FAM171A2: variants seen among roughly 807,000 people sequenced by gnomAD.
FAM171A2 encodes the protein family with sequence similarity 171 member A2.
FAM171A2 carries 13 observed loss-of-function variants against 34.2 expected under a neutral mutation model. The observed-to-expected ratio is 0.38, with a 90% CI of 0.25 to 0.60. The LOEUF is 0.60. Among genes scored for constraint, FAM171A2 ranks in the 20% least tolerant of loss-of-function variants. The pLI is 0.62. For synonymous variants in FAM171A2, 475 were observed against 561.2 expected (o/e 0.85, Z 2.17); for missense variants, 950 against 1,180.7 (o/e 0.80, Z 2.86).
chr17:44,361,180 C>T (rs1186863371), intron 1 of FAM171A2, among the ~76,000 whole-genome samples: 6 of 152,362 alleles, frequency 3.9e-5, no homozygotes, highest in African/African-American at 9.6e-5. Flanking sequence ...CCTCAGATGG[C>T]GTGATGGGAA....
chr17:44,359,579 C>A lies in FAM171A2; in HGVS notation c.439G>T (p.Gly147Cys). The A allele has an allele frequency of 1.9e-6, 3 of 1,551,066 alleles. No individual in the cohort carries two copies. The highest frequency in any genetic ancestry group is 2.6e-6 in the Non-Finnish European group (3 of 1,146,778). Residue 147 changes from glycine (G) to cysteine (C), a missense_variant and splice_region_variant, in exon 3 of 8, where the codon GGT (glycine) becomes TGT (cysteine). Coordinates refer to ENST00000293443, the MANE Select transcript of FAM171A2 (RefSeq NM_198475.3). ...TGGCGTGGGTGAGGGGGAGCCTTAC[C>A]GGGAGAGCCTAGGAGAATGTGCACC... ...DLVHILLGSP[G>C]ARSQPLVQFQ...
In FAM171A2 at chr17:44,355,776, T is replaced by C. The variant is rs2048419913; in HGVS notation, c.961A>G (p.Ile321Val). The C allele has an allele frequency of 1.3e-6, 2 of 1,551,704 alleles. No individual in the cohort carries two copies. The highest frequency in any genetic ancestry group is 1.7e-6 in the Non-Finnish European group (2 of 1,147,044). The change falls in exon 7 of 8, where the codon ATC becomes GTC. Residue 321 changes from isoleucine (I) to valine (V), a missense_variant. This residue lies in a region of FAM171A2 where 752 missense variants were observed against 924.5 expected (regional missense o/e 0.81). Transcript: ENST00000293443. The surrounding 1 kb of genome is among the most constrained non-coding windows in gnomAD (Gnocchi z 4.1). ...ACCAGCAGGGCCAGGGCTGCCAGGA[T>C]GGTGAGCAAGAAGATGGTGTGGTAG... ...GTYHTIFLLT[I>V]LAALALLVLI...
In FAM171A2 at chr17:44,354,418, C is replaced by G; in HGVS notation, c.1796G>C (p.Gly599Ala). The part of the protein sequence containing the change: ...HSGPGGEGGG[G>A]GGEGWGAGRA... ...CCCGGCCCCCCAGCCCTCGCCGCCG[C>G]CCCCGCCGCCCTCGCCCCCCGGGCC... The change falls in exon 8 of 8, where the codon GGC becomes GCC. Residue 599 changes from glycine to alanine, a missense_variant. Physicochemically the swap from Gly to Ala is moderately conservative, Grantham distance 60. Around this residue, in one of 3 missense-constraint regions of FAM171A2, gnomAD observed 752 missense variants for 924.5 expected, o/e 0.81. Coordinates refer to ENST00000293443, the MANE Select transcript of FAM171A2 (RefSeq NM_198475.3). The surrounding 1 kb of genome is among the most constrained non-coding windows in gnomAD (Gnocchi z 5.8). The G allele has an allele frequency of 1.2e-5, 14 of 1,155,032 alleles. No homozygotes were observed. Among genetic ancestry groups the G allele is most frequent in the Non-Finnish European group, 1.5e-5 (14 of 934,436 alleles). 71.5% of individuals were successfully genotyped at this position (1,155,032 alleles called of 1,614,324 possible). A position where few individuals can be genotyped will look rare whatever the true frequency, so the allele number is the denominator to read the frequency against.
chr17:44,361,594 C>G (rs180859967), intron 1 of FAM171A2, among the ~76,000 whole-genome samples: 20 of 152,316 alleles, frequency 1.3e-4, no homozygotes, highest in African/African-American at 4.8e-4. Context: ...AGCTGTTCCC[C>G]TGAGCCCACC....
chr17:44,353,236 T>C lies in FAM171A2; in HGVS notation c.*497A>G. The stretch of plus-strand genomic sequence containing the variant: ...AGCCTTAACCTCACCAGTTTTATAT[T>C]TGCTGCTGCCCACATCGGCTGTATC... On this transcript the variant is annotated 3_prime_UTR_variant, in exon 8 of 8. Transcript: ENST00000293443. 3.5e-6 allele frequency: 1 copy of C among 282,810 alleles called. No individual in the cohort carries two copies. Among genetic ancestry groups the C allele is most frequent in the Non-Finnish European group, 6.9e-6 (1 of 145,816 alleles). 17.5% of individuals were successfully genotyped at this position (282,810 alleles called of 1,614,324 possible).
At position 44,353,855 on chromosome 17, in the gene FAM171A2, G is replaced by A; in HGVS notation, c.2359C>T (p.Arg787Cys). 7.2e-7 allele frequency: 1 copy of A among 1,385,304 alleles called. No homozygotes were observed. The highest frequency in any genetic ancestry group is 9.4e-7 in the Non-Finnish European group (1 of 1,068,634). 85.8% of individuals were successfully genotyped at this position (1,385,304 alleles called of 1,614,324 possible). ...SSRSSASELRRDSLTSPEDEL... is the reference protein window; with the variant it reads ...SSRSSASELRCDSLTSPEDEL... ...TCCTCCGGGCTGGTGAGCGAGTCGC[G>A]CCGCAGCTCGCTGGCGCTGCTGCGG... Residue 787 changes from arginine (R) to cysteine (C), a missense_variant, in exon 8 of 8, where the codon CGC becomes TGC. By Grantham distance (180) the Arg-to-Cys change is radical (BLOSUM62 -3). This residue lies in a region of FAM171A2 where 191 missense variants were observed against 222.8 expected (regional missense o/e 0.86). Transcript: ENST00000293443.
At chr17:44,357,758 T>TGTGTGTGTGTGTGTGTGTGTGTGTGTGTG (rs61464829) in intron 3 of FAM171A2, among the ~76,000 whole-genome samples, 4 of 148,878 alleles carry the variant, frequency 2.7e-5, no homozygotes, top group South Asian at 2.1e-4. Flanking sequence ...TGTGTGTGTG[T>TGTGTGTGTGTGTGTGTGTGTGTGTGTGTG]TGGGGTGGAG....
intron 3 of FAM171A2, 174 bp downstream of exon 3, chr17:44,359,405 C>T: frequency 1.6e-6 from 1 of 614,238 alleles, no homozygotes. Flanking sequence ...TGATTTCTTA[C>T]TCCAATTTGA....
rs528206241 is a variant in FAM171A2 at position 44,359,643 on chromosome 17, G to C, written c.375C>G (p.Leu125=). The C allele has an allele frequency of 1.3e-6, 2 of 1,550,898 alleles. No individual in the cohort carries two copies. The highest frequency in any genetic ancestry group is 2.4e-5 in the South Asian group (2 of 84,058). Residue 125 remains leucine (L), a synonymous_variant, in exon 3 of 8, where the codon CTC becomes CTG. Transcript: ENST00000293443. ...PLYASVSLYL[L]PERPATLILY... ...GGATGAGCGTGGCCGGCCGCTCAGG[G>C]AGCAGGTAGAGGCTGACAGACGCAT... is the stretch of plus-strand genomic sequence containing the variant.
At position 44,355,944 on chromosome 17, in the gene FAM171A2, C is replaced by G. The variant is rs989264634; in HGVS notation, c.895+14G>C. On this transcript the variant is annotated intron_variant, in intron 6 of 7. Coordinates refer to ENST00000293443, the MANE Select transcript of FAM171A2 (RefSeq NM_198475.3). This position sits in a 1 kb window ranked among gnomAD's most constrained non-coding sequence, Gnocchi z 4.1. ...CCTCCGCGGCCTCTACGCCCACTGC[C>G]CCACTACTCTTACCAGCCGTGGGGG... 1 of 1,539,480 alleles carries G rather than the reference C, an allele frequency of 6.5e-7. No individual in the cohort carries two copies. The highest frequency in any genetic ancestry group is 2.0e-5 in the Admixed American group (1 of 50,560).
At chr17:44,358,446 A>G (rs2048434588) in intron 3 of FAM171A2, among the ~76,000 whole-genome samples, 1 of 152,120 alleles carries the variant, frequency 6.6e-6, no homozygotes, top group African/African-American at 2.4e-5. Flanking sequence ...TAATCCCAGC[A>G]CTTTGAGAGG....
At chr17:44,362,127 C>T (rs1015384109) in intron 1 of FAM171A2, among the ~76,000 whole-genome samples, 2 of 152,120 alleles carry the variant, frequency 1.3e-5, no homozygotes, top group African/African-American at 4.8e-5. Context: ...AGGTGCCTAG[C>T]AGATTCCCTT....
Position 44,353,844 on chromosome 17 carries a change from G to A in FAM171A2, c.2370C>T (p.Leu790=), listed in dbSNP as rs1424151671. ...CCCCCAGCTCGTCCTCCGGGCTGGT[G>A]AGCGAGTCGCGCCGCAGCTCGCTGG... is the stretch of plus-strand genomic sequence containing the variant. ...SSASELRRDS[L]TSPEDELGAE... is the part of the protein sequence containing the mutation. Residue 790 remains leucine, a synonymous_variant, in exon 8 of 8, where the codon CTC becomes CTT. Transcript: ENST00000293443. The A allele has an allele frequency of 3.6e-6, 5 of 1,400,696 alleles. No homozygotes were observed. Among genetic ancestry groups the A allele is most frequent in the Non-Finnish European group, 3.7e-6 (4 of 1,076,800 alleles). The allele number at this position is 1,400,696 out of a possible 1,614,324, so 86.8% of individuals were successfully genotyped here.
chr17:44,357,387 G>A (rs760409038), intron 3 of FAM171A2, among the ~76,000 whole-genome samples: 1 of 150,858 alleles, frequency 6.6e-6, no homozygotes, highest in East Asian at 1.9e-4. Context: ...GGTGGCTCAC[G>A]CCTGTAATCC....
intron 3 of FAM171A2, 80 bp downstream of exon 3, chr17:44,359,499 G>A: frequency 8.1e-7 from 1 of 1,239,880 alleles, no homozygotes; most frequent in South Asian, 1.3e-5. Context: ...AGGACACCCA[G>A]CTAATATAGG....
rs1300665919 is a variant in FAM171A2, at chr17:44,361,577, CCCAT to C, written c.119-1449_119-1446del. Among the ~76,000 whole-genome samples the C allele has an allele frequency of 2.0e-5, 3 of 152,156 alleles. 1 individual carries two copies. The highest frequency in any genetic ancestry group is 2.0e-4 in the Admixed American group (3 of 15,280). ...CCAGCGCCACGCCTGCCCTAGGCAT[CCCAT>C]CCAGCTGTTCCCCTGAGCCCACCTC... On this transcript the variant is annotated intron_variant, in intron 1 of 7. Coordinates refer to ENST00000293443, the MANE Select transcript of FAM171A2 (RefSeq NM_198475.3).
chr17:44,353,881 G>T lies in FAM171A2; in HGVS notation c.2333C>A (p.Ser778Tyr). 2 of 1,341,256 alleles carry T rather than the reference G, an allele frequency of 1.5e-6. No homozygotes were observed. Among genetic ancestry groups the T allele is most frequent in the Non-Finnish European group, 1.9e-6 (2 of 1,048,014 alleles). 83.1% of individuals were successfully genotyped at this position (1,341,256 alleles called of 1,614,324 possible). A position where few individuals can be genotyped will look rare whatever the true frequency, so the allele number is the denominator to read the frequency against. The change falls in exon 8 of 8, where the codon TCC becomes TAC. Residue 778 changes from serine (S) to tyrosine (Y), a missense_variant. Ser to Tyr is a moderately radical substitution (Grantham distance 144). Coordinates refer to ENST00000293443, the MANE Select transcript of FAM171A2 (RefSeq NM_198475.3). ...RGRGRSRGDSSRSSASELRRD... is the reference protein window; with the variant it reads ...RGRGRSRGDSYRSSASELRRD... ...CCGCAGCTCGCTGGCGCTGCTGCGG[G>T]AGCTGTCCCCGCGGCTGCGGCCCCG...
chr17:44,354,249 GA>G lies in FAM171A2; in HGVS notation c.1964del (p.Phe655SerfsTer36). 6.9e-7 allele frequency: 1 copy of G among 1,455,052 alleles called. No individual in the cohort carries two copies. Among genetic ancestry groups the G allele is most frequent in the Non-Finnish European group, 9.1e-7 (1 of 1,095,728 alleles). 90.1% of individuals were successfully genotyped at this position (1,455,052 alleles called of 1,614,324 possible). On this transcript the variant is annotated frameshift_variant, in exon 8 of 8. Coordinates refer to ENST00000293443, the MANE Select transcript of FAM171A2 (RefSeq NM_198475.3). LOFTEE classifies it low-confidence loss of function (END_TRUNC). The surrounding 1 kb of genome is among the most constrained non-coding windows in gnomAD (Gnocchi z 5.8). Reference sequence around the variant, plus strand: ...AGTTGGAGCGCCCGTCGAGGGACACGAACCAGGCGCGCGGGTGCGGCTTCAC... The same window carrying G: ...AGTTGGAGCGCCCGTCGAGGGACACGACCAGGCGCGCGGGTGCGGCTTCAC... ...LGVKPHPRAW[F>X]VSLDGRSNSQ...
chr17:44,360,972 G>A (rs1287425521), intron 1 of FAM171A2, among the ~76,000 whole-genome samples: 2 of 152,164 alleles, frequency 1.3e-5, no homozygotes, highest in Admixed American at 6.5e-5. Context: ...CCATGGCAAC[G>A]CCCTCATTCC....
Sources: allele counts gnomAD v4.1 joint callset (sites outside exome capture counted in the v4.1 genomes callset), GRCh38; gene constraint gnomAD v4.1.1; regional missense constraint gnomAD v4.1.1; non-coding constraint Gnocchi (gnomAD v3.1); transcripts MANE v1.5; gene names NCBI Gene and HGNC (gene_info 2026-07-23, HGNC 2026-07-21).